REXO1: variants seen among roughly 807,000 people sequenced by gnomAD.
The protein encoded by REXO1 is REX1, RNA exonuclease 1 homolog.
REXO1 carries 42 observed loss-of-function variants against 102.6 expected under a neutral mutation model. That is an observed-to-expected ratio of 0.41 (90% CI 0.32 to 0.53). The LOEUF is 0.53. Among genes scored for constraint, REXO1 ranks in the 20% least tolerant of loss-of-function variants. REXO1 has a pLI of 0.27. For synonymous variants in REXO1, 908 were observed against 779.1 expected (o/e 1.17, Z -2.76); for missense variants, 1,819 against 1,732.5 (o/e 1.05, Z -0.89).
Position 1,815,687 on chromosome 19 carries a change from A to T in REXO1, c.*379T>A. ...AAATAAAAAAAGACTGTCTCAAACA[A>T]ACCTGGGACAAGCCCGCCCCGCGAC... On this transcript the variant is annotated 3_prime_UTR_variant, in exon 16 of 16. Transcript: ENST00000170168. The surrounding 1 kb of genome is among the most constrained non-coding windows in gnomAD (Gnocchi z 4.0). 2.3e-6 allele frequency: 3 copies of T among 1,327,366 alleles called. No homozygotes were observed. Among genetic ancestry groups the T allele is most frequent in the Non-Finnish European group, 2.9e-6 (3 of 1,030,930 alleles). The allele number at this position is 1,327,366 out of a possible 1,614,324, so 82.2% of individuals were successfully genotyped here. A position where few individuals can be genotyped will look rare whatever the true frequency, so the allele number is the denominator to read the frequency against.
chr19:1,843,872 C>T (rs776981208), intron 1 of REXO1, among the ~76,000 whole-genome samples: 1 of 152,368 alleles, frequency 6.6e-6, no homozygotes, highest in Admixed American at 6.5e-5. Flanking sequence ...ACGCAGCCAG[C>T]GGGAGCTCCT....
Position 1,816,714 on chromosome 19 carries a change from C to A in REXO1, c.3301G>T (p.Val1101Leu). The change falls in exon 13 of 16, where the codon GTG (valine) becomes TTG (leucine). Residue 1101 changes from valine (V) to leucine (L), a missense_variant. By Grantham distance (32) the Val-to-Leu change is conservative (BLOSUM62 1). Transcript: ENST00000170168. ...TGGCCACACCTGGTGTTGTAGTCCA[C>A]GATCTCGTTGTCAGGCTTCACGAAG... is the stretch of plus-strand genomic sequence containing the variant. ...DTFVKPDNEI[V>L]DYNTRFSGVT... The A allele has an allele frequency of 6.2e-7, 1 of 1,612,652 alleles. No homozygotes were observed.
chr19:1,821,700 G>C lies in REXO1; in HGVS notation c.2231-18C>G. On this transcript the variant is annotated intron_variant, in intron 4 of 15. Transcript: ENST00000170168. The stretch of plus-strand genomic sequence containing the variant: ...TGTGGGGGCTGGCGGGGCACAGGGG[G>C]TGTGGGCACAGGGCGAGTGGCTGCC... The C allele has an allele frequency of 6.2e-7, 1 of 1,603,364 alleles. No individual in the cohort carries two copies. Among genetic ancestry groups the C allele is most frequent in the South Asian group, 1.1e-5 (1 of 90,514 alleles).
intron 1 of REXO1, chr19:1,834,807 G>A (rs2069994387): frequency 5.2e-6 from 1 of 191,760 alleles, no homozygotes; most frequent in South Asian, 5.4e-5. Flanking sequence ...TTCACTCCCG[G>A]GTGGAGGCTG....
chr19:1,847,687 G>C (rs535922754), intron 1 of REXO1, among the ~76,000 whole-genome samples: 2 of 152,332 alleles, frequency 1.3e-5, no homozygotes, highest in East Asian at 3.9e-4. Context: ...CTGGACACAG[G>C]GCTCGACAAA....
Position 1,826,037 on chromosome 19 carries a change from G to T in REXO1, c.1912-94C>A. 3 of 857,070 alleles carry T rather than the reference G, an allele frequency of 3.5e-6. No homozygotes were observed. The highest frequency in any genetic ancestry group is 5.9e-6 in the Non-Finnish European group (3 of 511,018). The allele number at this position is 857,070 out of a possible 1,614,324, so 53.1% of individuals were successfully genotyped here. On this transcript the variant is annotated intron_variant, in intron 2 of 15. Transcript: ENST00000170168. This position sits in a 1 kb window ranked among gnomAD's most constrained non-coding sequence, Gnocchi z 4.3. The stretch of plus-strand genomic sequence containing the variant: ...AACTGCCCCCGGCAAGTGGGGAATG[G>T]AACAGTCCAGCCCCCAGGCACAGCA...
At chr19:1,830,544 T>C (rs1441331243) in intron 1 of REXO1, among the ~76,000 whole-genome samples, 10 of 152,170 alleles carry the variant, frequency 6.6e-5, no homozygotes. Context: ...TGAATGTAAT[T>C]CCGTAACATC....
rs774700117 is a variant in REXO1, at chr19:1,821,552, G to T, written c.2361C>A (p.Ile787=). 1 of 1,613,914 alleles carries T rather than the reference G, an allele frequency of 6.2e-7. No individual in the cohort carries two copies. Among genetic ancestry groups the T allele is most frequent in the Non-Finnish European group, 8.5e-7 (1 of 1,179,878 alleles). The stretch of plus-strand genomic sequence containing the variant: ...ATGGACTGTGGGCGATTCGCTTAGG[G>T]ATGATGGTGGTGGTAGTCTTGGACG... The part of the protein sequence containing the change: ...GMASKTTTTI[I]PKRIAHSPSL... The change falls in exon 5 of 16, where the codon ATC becomes ATA. Residue 787 remains isoleucine (I), a synonymous_variant. Transcript: ENST00000170168.
At chr19:1,818,394 G>A (rs1211163498) in intron 10 of REXO1, 88 bp downstream of exon 10, 3 of 1,016,570 alleles carry the variant, frequency 3.0e-6, no homozygotes, top group Non-Finnish European at 4.4e-6. Context: ...CCTGGGTAAA[G>A]CCTTACCCCA....
At position 1,823,649 on chromosome 19, in the gene REXO1, T is replaced by C. The variant is rs113119478; in HGVS notation, c.2153A>G (p.Lys718Arg). ...GGCGGAAATGTGGACGGAGGGCGAC[T>C]TCTCTGCCAGCCTGGCGGGGGCCTG... ...LLQAPARLAE[K>R]SPSVHISAPG... The change falls in exon 4 of 16, where the codon AAG becomes AGG. Residue 718 changes from lysine to arginine, a missense_variant. Physicochemically the swap from Lys to Arg is conservative, Grantham distance 26 (BLOSUM62 2). Coordinates refer to ENST00000170168, the MANE Select transcript of REXO1 (RefSeq NM_020695.4). 48 of 1,302,542 alleles carry C rather than the reference T, an allele frequency of 3.7e-5. 3 individuals are homozygous for C. The African/African-American group carries it at 4.2e-4, about 12-fold the overall frequency. 80.7% of individuals were successfully genotyped at this position (1,302,542 alleles called of 1,614,324 possible).
intron 1 of REXO1, among the ~76,000 whole-genome samples, chr19:1,842,263 G>T (rs1187706194): frequency 2.7e-5 from 4 of 150,798 alleles, no homozygotes; most frequent in Non-Finnish European, 5.9e-5. Flanking sequence ...AAAAACAGCA[G>T]GCGGGGCCGC....
intron 10 of REXO1, 108 bp downstream of exon 10, chr19:1,818,374 G>A: frequency 1.2e-6 from 1 of 801,656 alleles, no homozygotes; most frequent in Non-Finnish European, 2.0e-6. Flanking sequence ...ACCCTGAGTG[G>A]GATGGAGGGC....
chr19:1,823,452 C>T, intron 4 of REXO1, 120 bp downstream of exon 4: 2 of 707,522 alleles, frequency 2.8e-6, no homozygotes, highest in Non-Finnish European at 4.0e-6. Flanking sequence ...GGAGGGGGCC[C>T]AAAGTCATCC....
rs376935185 is a variant in REXO1 at position 1,828,200 on chromosome 19, C to T, written c.589G>A (p.Gly197Ser). ...RGQGRGGGGG[G>S]ALEYVPKAVS... ...GCCTTGGGGACGTATTCCAGGGCAC[C>T]GCCACCCCCTCCACCTCTGCCCTGA... is the stretch of plus-strand genomic sequence containing the variant. Residue 197 changes from glycine (G) to serine (S), a missense_variant, in exon 2 of 16, where the codon GGT becomes AGT. Gly to Ser is a moderately conservative substitution (Grantham distance 56). Transcript: ENST00000170168. 8 of 1,605,630 alleles carry T rather than the reference C, an allele frequency of 5.0e-6. No individual in the cohort carries two copies. The highest frequency in any genetic ancestry group is 1.3e-5 in the African/African-American group (1 of 74,552).
intron 1 of REXO1, among the ~76,000 whole-genome samples, chr19:1,837,723 C>T (rs1219160479): frequency 6.6e-6 from 1 of 152,218 alleles, no homozygotes; most frequent in African/African-American, 2.4e-5. Context: ...CGATCCGAGC[C>T]TCCCCTCTGC....
At position 1,826,055 on chromosome 19, in the gene REXO1, G is replaced by A; in HGVS notation, c.1912-112C>T. ...GGGAATGGAACAGTCCAGCCCCCAG[G>A]CACAGCAGCTGAGGGCTCAGGGCCA... On this transcript the variant is annotated intron_variant, in intron 2 of 15. Transcript: ENST00000170168. This position sits in a 1 kb window ranked among gnomAD's most constrained non-coding sequence, Gnocchi z 4.3. 2.7e-6 allele frequency: 2 copies of A among 738,418 alleles called. No homozygotes were observed. The highest frequency in any genetic ancestry group is 2.4e-6 in the Non-Finnish European group (1 of 420,710). The allele number at this position is 738,418 out of a possible 1,614,324, so 45.7% of individuals were successfully genotyped here. A position where few individuals can be genotyped will look rare whatever the true frequency, so the allele number is the denominator to read the frequency against.
rs769067005 is a variant in REXO1, at chr19:1,828,115, T to G, written c.674A>C (p.Asn225Thr). The G allele has an allele frequency of 4.3e-6, 7 of 1,612,478 alleles. No homozygotes were observed. Among genetic ancestry groups the G allele is most frequent in the Non-Finnish European group, 5.9e-6 (7 of 1,179,704 alleles). Residue 225 changes from asparagine to threonine, a missense_variant, in exon 2 of 16, where the codon AAC (asparagine) becomes ACC (threonine). Asn to Thr is a moderately conservative substitution (Grantham distance 65). Transcript: ENST00000170168. ...CTCCAGGTCTGTGGGTGGCCTGGAG[T>G]TGTCCACCACGTACTTGCCACTGGG... is the stretch of plus-strand genomic sequence containing the variant. ...PVPSGKYVVD[N>T]SRPPTDLEYD...
In REXO1 at chr19:1,827,373, G is replaced by A. The variant is rs769654643; in HGVS notation, c.1416C>T (p.Gly472=). The A allele has an allele frequency of 1.0e-5, 16 of 1,531,718 alleles. No homozygotes were observed. The highest frequency in any genetic ancestry group is 2.1e-5 in the Admixed American group (1 of 47,796). The allele number at this position is 1,531,718 out of a possible 1,614,324, so 94.9% of individuals were successfully genotyped here. ...CGGGCAGCTGGAGGGGGCGGGGTGG[G>A]CCTCTGCCGGCCGCCGGTCGGGAGT... ...SGDSRPAAGR[G]PPRPLQLPDR... The change falls in exon 2 of 16, where the codon GGC becomes GGT. Residue 472 remains glycine, a synonymous_variant. Coordinates refer to ENST00000170168, the MANE Select transcript of REXO1 (RefSeq NM_020695.4).
At chr19:1,847,038 C>G (rs2011573198) in intron 1 of REXO1, among the ~76,000 whole-genome samples, 1 of 152,196 alleles carries the variant, frequency 6.6e-6, no homozygotes, top group Non-Finnish European at 1.5e-5. Context: ...GCTACGGGAT[C>G]TGTAGGCACA....
Sources: allele counts gnomAD v4.1 joint callset (sites outside exome capture counted in the v4.1 genomes callset), GRCh38; gene constraint gnomAD v4.1.1; non-coding constraint Gnocchi (gnomAD v3.1); transcripts MANE v1.5; gene names NCBI Gene and HGNC (gene_info 2026-07-23, HGNC 2026-07-21).